NCKAP5: variants seen among roughly 807,000 people sequenced by gnomAD.
The protein encoded by NCKAP5 is nck-associated protein 5.
Under a neutral mutation model 167.0 loss-of-function variants are expected in NCKAP5, and 92 were observed. That is an observed-to-expected ratio of 0.55 (90% CI 0.47 to 0.66). NCKAP5 has a LOEUF of 0.66. NCKAP5 is among the 30% of genes least tolerant of loss of function. The probability of loss-of-function intolerance (pLI) is 0.00; values close to 1 mark genes in which losing one functional copy is unlikely to be tolerated. For missense variants in NCKAP5, 2,378 were observed against 2,315.0 expected (o/e 1.03, Z -0.56); for synonymous variants, 891 against 877.4 (o/e 1.02, Z -0.27).
intron 4 of NCKAP5, among the ~76,000 whole-genome samples, chr2:133,290,474 T>G (rs1328354342): frequency 2.0e-5 from 3 of 152,216 alleles, no homozygotes; most frequent in Non-Finnish European, 4.4e-5. Context: ...GCCTTCACTA[T>G]GACATGCAGT....
intron 1 of NCKAP5, among the ~76,000 whole-genome samples, chr2:133,563,411 A>C (rs923853051): frequency 6.6e-6 from 1 of 152,046 alleles, no homozygotes; most frequent in Non-Finnish European, 1.5e-5. Context: ...TCTACTAAAA[A>C]TACAAAAATT....
chr2:133,647,748 G>GGAAGGAAA, the NCKAP5 span, among the ~76,000 whole-genome samples: 1 of 143,564 alleles, frequency 7.0e-6, no homozygotes, highest in African/African-American at 2.6e-5. Context: ...AAGGAAGGAA[G>GGAAGGAAA]GAAAGAAAAG....
chr2:132,860,497 G>C lies in NCKAP5; in HGVS notation c.802C>G (p.Leu268Val), dbSNP rs755960898. 1.3e-6 allele frequency: 2 copies of C among 1,571,984 alleles called. No individual in the cohort carries two copies. The highest frequency in any genetic ancestry group is 1.7e-4 in the Middle Eastern group (1 of 6,006). Residue 268 changes from leucine to valine, a missense_variant, in exon 11 of 20, where the codon CTC becomes GTC. By Grantham distance (32) the Leu-to-Val change is conservative. Coordinates refer to ENST00000409261, the MANE Select transcript of NCKAP5 (RefSeq NM_207363.3). Reference sequence around the variant, plus strand: ...TTTTCCAGATAAACACATACCTGGAGGAGCAGATCAGAAGTGGGTCTGACT... The same window carrying C: ...TTTTCCAGATAAACACATACCTGGACGAGCAGATCAGAAGTGGGTCTGACT... The part of the protein sequence containing the change: ...QRVRPTSDLL[L>V]QKLHSRLLDL...
At chr2:133,014,818 C>T (rs2078276221) in intron 6 of NCKAP5, among the ~76,000 whole-genome samples, 1 of 152,146 alleles carries the variant, frequency 6.6e-6, no homozygotes, top group Admixed American at 6.5e-5. Flanking sequence ...ATAAACGTTC[C>T]CATGTATAAT....
At chr2:133,239,163 A>G (rs2087562629) in intron 4 of NCKAP5, among the ~76,000 whole-genome samples, 1 of 152,174 alleles carries the variant, frequency 6.6e-6, no homozygotes. Context: ...GGCATCTTCT[A>G]AAATATGTTC....
chr2:133,483,627 A>AGCGG (rs1553651843), intron 3 of NCKAP5, among the ~76,000 whole-genome samples: 1 of 140,656 alleles, frequency 7.1e-6, no homozygotes, highest in Admixed American at 7.0e-5. Context: ...GCAAAAAAAA[A>AGCGG]GGGGGGGGGG....
chr2:133,315,898 T>A (rs564334183), intron 3 of NCKAP5, among the ~76,000 whole-genome samples: 1 of 152,122 alleles, frequency 6.6e-6, no homozygotes, highest in East Asian at 1.9e-4. Context: ...GGAGAACAAG[T>A]AAGAACAAAG....
intron 8 of NCKAP5, among the ~76,000 whole-genome samples, chr2:132,962,007 C>G (rs1441082023): frequency 6.6e-6 from 1 of 152,102 alleles, no homozygotes; most frequent in Non-Finnish European, 1.5e-5. Context: ...GAATGAGAAC[C>G]CTTGGGGAGA....
intron 3 of NCKAP5, among the ~76,000 whole-genome samples, chr2:133,385,040 C>T (rs569364342): frequency 6.6e-6 from 1 of 152,290 alleles, no homozygotes; most frequent in East Asian, 1.9e-4. Context: ...GGCTTTATTT[C>T]TTTCTCCTGC....
chr2:133,283,258 T>C (rs1057162798), intron 4 of NCKAP5, among the ~76,000 whole-genome samples: 7 of 152,148 alleles, frequency 4.6e-5, no homozygotes, highest in Non-Finnish European at 7.4e-5. Context: ...ATGGGTAAGA[T>C]TGACCATTTG....
chr2:132,961,507 T>C (rs901097834), intron 8 of NCKAP5, among the ~76,000 whole-genome samples: 26 of 152,172 alleles, frequency 1.7e-4, no homozygotes, highest in South Asian at 1.7e-3. Context: ...ACTATGACTA[T>C]AGGAAAATTA....
rs75337301 is a variant in NCKAP5 at position 133,320,046 on chromosome 2, A to C, written c.70-16936T>G. Among the ~76,000 whole-genome samples the C allele has an allele frequency of 7.7e-3, 1,175 of 152,258 alleles. 23 individuals carry two copies. The highest frequency in any genetic ancestry group is 0.073 in the South Asian group (352 of 4,826). On this transcript the variant is annotated intron_variant, in intron 3 of 19. Transcript: ENST00000409261. The stretch of plus-strand genomic sequence containing the variant: ...GAAACCAACTGCAACAAGGGATGGG[A>C]GGGCTCTCTGACTCTGGACAGCACA...
At chr2:133,589,694 G>C in the NCKAP5 span, among the ~76,000 whole-genome samples, 4 of 152,198 alleles carry the variant, frequency 2.6e-5, no homozygotes, top group Non-Finnish European at 4.4e-5. Context: ...GATGGCCAGA[G>C]CCCCTTTATA....
At chr2:133,422,088 T>C (rs1689515385) in intron 3 of NCKAP5, among the ~76,000 whole-genome samples, 1 of 152,198 alleles carries the variant, frequency 6.6e-6, no homozygotes, top group East Asian at 1.9e-4. Context: ...GAGCACAGAG[T>C]GCAGGGGACA....
chr2:133,256,939 C>T (rs2088647205), intron 4 of NCKAP5, among the ~76,000 whole-genome samples: 1 of 152,140 alleles, frequency 6.6e-6, no homozygotes, highest in Non-Finnish European at 1.5e-5. Flanking sequence ...CTGGACACAT[C>T]ATAATTTTCC....
chr2:133,208,834 G>A (rs1453593306), intron 5 of NCKAP5, among the ~76,000 whole-genome samples: 1 of 152,140 alleles, frequency 6.6e-6, no homozygotes, highest in Non-Finnish European at 1.5e-5. Flanking sequence ...AAAGTGAGTT[G>A]AGGATCTCAT....
At chr2:133,452,380 C>A (rs916681366) in intron 3 of NCKAP5, among the ~76,000 whole-genome samples, 1 of 152,010 alleles carries the variant, frequency 6.6e-6, no homozygotes, top group Non-Finnish European at 1.5e-5. Context: ...CAGGGGAAGC[C>A]CTGATTAAAT....
At chr2:133,306,020 C>T (rs1680750763) in intron 3 of NCKAP5, among the ~76,000 whole-genome samples, 1 of 152,162 alleles carries the variant, frequency 6.6e-6, no homozygotes, top group African/African-American at 2.4e-5. Flanking sequence ...CATTTCTGGA[C>T]CCTGAACTGG....
At chr2:133,195,849 G>C (rs991612005) in intron 5 of NCKAP5, among the ~76,000 whole-genome samples, 8 of 152,042 alleles carry the variant, frequency 5.3e-5, no homozygotes, top group African/African-American at 1.9e-4. Context: ...GGAAAACATG[G>C]TTACCACCTT....
Sources: gnomAD v4.1 joint callset for allele counts (sites outside exome capture counted in the v4.1 genomes callset) on GRCh38, gnomAD v4.1.1 for gene constraint, MANE v1.5 for transcripts, NCBI Gene and HGNC (gene_info 2026-07-23, HGNC 2026-07-21) for gene names.